MDGA2: variants seen among roughly 807,000 people sequenced by gnomAD.
MDGA2 encodes the protein MAM domain containing glycosylphosphatidylinositol anchor 2.
A neutral mutation model predicts 117.8 loss-of-function variants in MDGA2; 40 were observed. That is an observed-to-expected ratio of 0.34 (90% CI 0.26 to 0.44). MDGA2 has a LOEUF of 0.44. MDGA2 is among the 20% of genes least tolerant of loss of function. MDGA2 has a pLI of 1.00. For missense variants in MDGA2, 1,123 were observed against 1,250.6 expected (o/e 0.90, Z 1.54); for synonymous variants, 452 against 439.0 (o/e 1.03, Z -0.37).
chr14:47,473,891 G>T (rs968783041), intron 1 of MDGA2, among the ~76,000 whole-genome samples: 1 of 152,132 alleles, frequency 6.6e-6, no homozygotes, highest in Non-Finnish European at 1.5e-5. Context: ...ATGGGTAAAA[G>T]TTGGAAGCCT....
chr14:46,985,248 G>A (rs1886818972), intron 8 of MDGA2, among the ~76,000 whole-genome samples: 1 of 151,982 alleles, frequency 6.6e-6, no homozygotes, highest in Non-Finnish European at 1.5e-5. Context: ...AAAGTGACTA[G>A]AAAGAAGTGA....
intron 7 of MDGA2, among the ~76,000 whole-genome samples, chr14:47,049,051 C>A (rs1182951389): frequency 4.6e-5 from 7 of 151,858 alleles, no homozygotes; most frequent in African/African-American, 1.7e-4. Context: ...CATTTTATTC[C>A]CAAGAAAGGA....
chr14:47,350,016 G>T (rs574154679), intron 1 of MDGA2, among the ~76,000 whole-genome samples: 2 of 152,202 alleles, frequency 1.3e-5, no homozygotes, highest in Admixed American at 1.3e-4. Flanking sequence ...GAAATAGGAC[G>T]GGGACCTTAT....
chr14:46,870,040 G>T (rs1047730369), intron 14 of MDGA2, among the ~76,000 whole-genome samples: 1 of 151,900 alleles, frequency 6.6e-6, no homozygotes, highest in Middle Eastern at 3.2e-3. Context: ...TTGAGCCAAA[G>T]GCACTCAGTT....
chr14:47,279,785 A>G (rs1419846568), intron 2 of MDGA2, among the ~76,000 whole-genome samples: 1 of 152,038 alleles, frequency 6.6e-6, no homozygotes, highest in South Asian at 2.1e-4. Flanking sequence ...TTTCTTTTTT[A>G]AAAAATTCAA....
intron 14 of MDGA2, among the ~76,000 whole-genome samples, chr14:46,868,984 G>A (rs1881888772): frequency 6.6e-6 from 1 of 151,890 alleles, no homozygotes; most frequent in African/African-American, 2.4e-5. Context: ...TCTCTTAAAA[G>A]TCTCATTCCA....
chr14:47,338,447 T>C (rs1372677700), intron 1 of MDGA2, among the ~76,000 whole-genome samples: 1 of 151,966 alleles, frequency 6.6e-6, no homozygotes, highest in Admixed American at 6.6e-5. Context: ...ATGAAATATA[T>C]ATAGATATGT....
chr14:47,585,191 A>C (rs1477803676), intron 1 of MDGA2, among the ~76,000 whole-genome samples: 2 of 151,944 alleles, frequency 1.3e-5, no homozygotes, highest in African/African-American at 4.8e-5. Context: ...ATATTGAGTG[A>C]CTATTTGAAA....
At chr14:47,163,711 G>A (rs929311340) in intron 3 of MDGA2, among the ~76,000 whole-genome samples, 1 of 152,192 alleles carries the variant, frequency 6.6e-6, no homozygotes, top group African/African-American at 2.4e-5. Context: ...TCAGCACGAG[G>A]AGGAAAACAC....
intron 8 of MDGA2, among the ~76,000 whole-genome samples, chr14:46,993,801 T>A (rs183736165): frequency 6.6e-6 from 1 of 152,270 alleles, no homozygotes; most frequent in Admixed American, 6.6e-5. Context: ...ACTGGCTATC[T>A]TTTTATTTAA....
chr14:47,654,809 T>A (rs1897713218), intron 1 of MDGA2, among the ~76,000 whole-genome samples: 1 of 152,090 alleles, frequency 6.6e-6, no homozygotes, highest in Non-Finnish European at 1.5e-5. Context: ...GACTGTGCTC[T>A]GAAAGAGGCA....
At chr14:47,297,589 T>C (rs1209181143) in intron 2 of MDGA2, among the ~76,000 whole-genome samples, 1 of 152,100 alleles carries the variant, frequency 6.6e-6, no homozygotes, top group Non-Finnish European at 1.5e-5. Flanking sequence ...TGTAGACATC[T>C]AGAGTTTGTA....
intron 8 of MDGA2, among the ~76,000 whole-genome samples, chr14:47,019,484 C>T (rs1888206709): frequency 1.3e-5 from 2 of 152,154 alleles, no homozygotes; most frequent in African/African-American, 4.8e-5. Context: ...CAATTACTTT[C>T]TCACCAACCT....
intron 10 of MDGA2, among the ~76,000 whole-genome samples, chr14:46,886,535 G>T (rs1457716837): frequency 6.6e-6 from 1 of 152,048 alleles, no homozygotes; most frequent in African/African-American, 2.4e-5. Flanking sequence ...TTAGGAGAGT[G>T]CAAGAGATGA....
At chr14:47,325,558 C>G (rs1890118829) in intron 1 of MDGA2, among the ~76,000 whole-genome samples, 1 of 152,096 alleles carries the variant, frequency 6.6e-6, no homozygotes, top group Admixed American at 6.5e-5. Context: ...TAGATCATCA[C>G]TTAATATGAC....
intron 1 of MDGA2, among the ~76,000 whole-genome samples, chr14:47,640,807 G>T (rs1388362763): frequency 6.6e-6 from 1 of 151,968 alleles, no homozygotes; most frequent in African/African-American, 2.4e-5. Flanking sequence ...CTTTTAAGAA[G>T]CCTTCCTTTC....
intron 8 of MDGA2, among the ~76,000 whole-genome samples, chr14:47,019,604 A>C (rs562940380): frequency 6.6e-6 from 1 of 151,984 alleles, no homozygotes; most frequent in African/African-American, 2.4e-5. Context: ...AGCACTTTGG[A>C]AGGCCGAGGC....
intron 1 of MDGA2, among the ~76,000 whole-genome samples, chr14:47,447,228 G>A (rs1893142670): frequency 6.6e-6 from 1 of 152,120 alleles, no homozygotes; most frequent in African/African-American, 2.4e-5. Context: ...ACCCTACTGT[G>A]GCTTGGCTTG....
Position 47,661,415 on chromosome 14 carries a change from T to G in MDGA2, c.280+13102A>C, listed in dbSNP as rs527264042. Among the ~76,000 whole-genome samples the G allele has an allele frequency of 1.2e-4, 18 of 152,324 alleles. No individual in the cohort carries two copies. In the Middle Eastern group the frequency reaches 0.01, roughly 86 times the overall value. On this transcript the variant is annotated intron_variant, in intron 1 of 16. Transcript: ENST00000399232. ...AATTATTTTATGAAAAATTACTATATCTCATCTTTAATTATTTTTCAATTA... is the reference window on the plus strand; with the variant it reads ...AATTATTTTATGAAAAATTACTATAGCTCATCTTTAATTATTTTTCAATTA...
Sources: gnomAD v4.1 joint callset for allele counts (sites outside exome capture counted in the v4.1 genomes callset) on GRCh38, gnomAD v4.1.1 for gene constraint, MANE v1.5 for transcripts, NCBI Gene and HGNC (gene_info 2026-07-23, HGNC 2026-07-21) for gene names.